The following FAM13A variants were observed in gnomAD, a reference collection of about 807,000 sequenced individuals.
FAM13A encodes protein FAM13A.
A neutral mutation model predicts 129.6 loss-of-function variants in FAM13A; 76 were observed. That is an observed-to-expected ratio of 0.59 (90% CI 0.49 to 0.71). FAM13A has a LOEUF of 0.71. FAM13A is among the 30% of genes least tolerant of loss of function. The pLI is 0.00. For missense variants in FAM13A, 1,108 were observed against 1,249.3 expected (o/e 0.89, Z 1.70); for synonymous variants, 443 against 449.9 (o/e 0.98, Z 0.20).
chr4:88,824,950 C>T (rs369899752), intron 7 of FAM13A, among the ~76,000 whole-genome samples: 15 of 151,966 alleles, frequency 9.9e-5, no homozygotes, highest in East Asian at 3.9e-4. Context: ...TCAGGTGATC[C>T]GCCCACCTCG....
At position 88,746,919 on chromosome 4, in the gene FAM13A, C is replaced by T; in HGVS notation, c.2466+13G>A. On this transcript the variant is annotated intron_variant, in intron 19 of 23. Coordinates refer to ENST00000264344, the MANE Select transcript of FAM13A (RefSeq NM_014883.4). The stretch of plus-strand genomic sequence containing the variant: ...TAATTGACCCCAATCAGAAAATTTA[C>T]TACATCACATACCGGCCGTCCATGA... The T allele has an allele frequency of 6.3e-7, 1 of 1,584,944 alleles. No homozygotes were observed. Among genetic ancestry groups the T allele is most frequent in the Non-Finnish European group, 8.7e-7 (1 of 1,153,832 alleles).
intron 3 of FAM13A, among the ~76,000 whole-genome samples, chr4:88,992,559 T>C (rs1275972875): frequency 6.6e-6 from 1 of 152,148 alleles, no homozygotes; most frequent in Non-Finnish European, 1.5e-5. Context: ...TTTAACAATA[T>C]CTAACATGTC....
At chr4:88,775,070 A>G (rs1434603386) in intron 11 of FAM13A, among the ~76,000 whole-genome samples, 1 of 152,224 alleles carries the variant, frequency 6.6e-6, no homozygotes, top group African/African-American at 2.4e-5. Flanking sequence ...AAGAGATATG[A>G]GACAAAAATC....
rs142741542 is a variant in FAM13A at position 88,906,510 on chromosome 4, C to G, written c.760-48G>C. The G allele has an allele frequency of 2.3e-6, 3 of 1,299,050 alleles. No homozygotes were observed. In the African/African-American group the frequency reaches 4.5e-5, roughly 20 times the overall value. 80.5% of individuals were successfully genotyped at this position (1,299,050 alleles called of 1,614,324 possible). On this transcript the variant is annotated intron_variant, in intron 5 of 23. Coordinates refer to ENST00000264344, the MANE Select transcript of FAM13A (RefSeq NM_014883.4). ...ACATTAGAGATTAAAGAACACTTAC[C>G]CTAACCAAAAATTACAAGGTAGTGA...
intron 19 of FAM13A, among the ~76,000 whole-genome samples, chr4:88,740,648 C>T (rs118111687): frequency 0.01 from 1,526 of 152,250 alleles, 73 homozygotes; most frequent in Admixed American, 0.077. Context: ...ATTTCTTTTA[C>T]GGGTTTTTTG....
rs149854074 is a variant in FAM13A at position 88,991,033 on chromosome 4, T to C, written c.545A>G (p.His182Arg). ...CQFLTKVAKH[H>R]VQNRMNVHNL... ...GTGAACATTCATGCGATTCTGCACA[T>C]GATGCTTGGCTACTTTTGTCAAGAA... is the stretch of plus-strand genomic sequence containing the variant. Residue 182 changes from histidine (H) to arginine (R), a missense_variant, in exon 4 of 24, where the codon CAT becomes CGT. Physicochemically the swap from His to Arg is conservative, Grantham distance 29. Around this residue, in one of 3 missense-constraint regions of FAM13A, gnomAD observed 566 missense variants for 595.7 expected, o/e 0.95. Coordinates refer to ENST00000264344, the MANE Select transcript of FAM13A (RefSeq NM_014883.4). The C allele has an allele frequency of 1.6e-4, 264 of 1,614,084 alleles. No homozygotes were observed. The highest frequency in any genetic ancestry group is 2.2e-4 in the Non-Finnish European group (254 of 1,180,026).
intron 4 of FAM13A, among the ~76,000 whole-genome samples, chr4:88,977,094 CTA>C (rs921811513): frequency 1.3e-5 from 2 of 152,076 alleles, no homozygotes; most frequent in African/African-American, 4.8e-5. Flanking sequence ...AAATATGTAT[CTA>C]TAATAAAGTT....
intron 6 of FAM13A, among the ~76,000 whole-genome samples, chr4:88,893,687 G>A (rs1745794133): frequency 6.6e-6 from 1 of 151,584 alleles, no homozygotes; most frequent in Admixed American, 6.6e-5. Context: ...GCGTGGTGGC[G>A]GGCGCCTGTA....
rs781677520 is a variant in FAM13A at position 88,728,725 on chromosome 4, G to A, written c.2946-66C>T. 1.7e-5 allele frequency: 27 copies of A among 1,559,248 alleles called. 1 individual carries two copies. The highest frequency in any genetic ancestry group is 5.6e-5 in the South Asian group (5 of 88,562). The stretch of plus-strand genomic sequence containing the variant: ...CTGTCTTTGCTAGATACTATTCATC[G>A]GGCAAATTATCATTGTTTAGAAACT... On this transcript the variant is annotated intron_variant, in intron 23 of 23. Coordinates refer to ENST00000264344, the MANE Select transcript of FAM13A (RefSeq NM_014883.4).
At chr4:89,047,170 G>C (rs1215946221) in intron 1 of FAM13A, among the ~76,000 whole-genome samples, 2 of 152,168 alleles carry the variant, frequency 1.3e-5, no homozygotes, top group Non-Finnish European at 2.9e-5. Flanking sequence ...GGGGTGGAGA[G>C]AAGGCTATAA....
intron 13 of FAM13A, 31 bp downstream of exon 13, chr4:88,767,520 TCA>T: frequency 1.9e-6 from 3 of 1,553,066 alleles, no homozygotes; most frequent in Non-Finnish European, 2.6e-6. Flanking sequence ...AACAGCCCCG[TCA>T]CAGTCTTACT....
chr4:88,788,028 C>T (rs1724331256), intron 9 of FAM13A, 96 bp from the exon 10 acceptor site: 3 of 920,960 alleles, frequency 3.3e-6, no homozygotes, highest in Non-Finnish European at 4.9e-6. Context: ...ATCTGTATTT[C>T]CAGTGGAAAG....
intron 1 of FAM13A, among the ~76,000 whole-genome samples, chr4:89,037,251 C>A (rs1350786698): frequency 6.6e-6 from 1 of 152,232 alleles, no homozygotes; most frequent in Non-Finnish European, 1.5e-5. Context: ...ATGCCCAAGT[C>A]CTTGGGAGCC....
intron 1 of FAM13A, among the ~76,000 whole-genome samples, chr4:89,034,927 C>CAT (rs1271387450): frequency 6.6e-6 from 1 of 152,058 alleles, no homozygotes; most frequent in Non-Finnish European, 1.5e-5. Context: ...TATATGTGCT[C>CAT]ATATGTTTAT....
chr4:88,743,039 A>C (rs891711923), intron 19 of FAM13A, among the ~76,000 whole-genome samples: 1 of 152,224 alleles, frequency 6.6e-6, no homozygotes, highest in Non-Finnish European at 1.5e-5. Context: ...GGTTATCATT[A>C]AGATGTATTT....
chr4:89,002,651 G>C (rs1281139116), intron 3 of FAM13A, among the ~76,000 whole-genome samples: 1 of 152,072 alleles, frequency 6.6e-6, no homozygotes, highest in African/African-American at 2.4e-5. Flanking sequence ...TATGCCAAGA[G>C]ACAAGCCCCT....
At chr4:88,910,010 T>A (rs1239939940) in intron 5 of FAM13A, among the ~76,000 whole-genome samples, 1 of 152,204 alleles carries the variant, frequency 6.6e-6, no homozygotes, top group Non-Finnish European at 1.5e-5. Context: ...TTAGAAGAAC[T>A]TTTTAGAAAA....
chr4:89,049,760 A>C (rs1028204275), intron 1 of FAM13A, among the ~76,000 whole-genome samples: 1 of 152,086 alleles, frequency 6.6e-6, no homozygotes, highest in Non-Finnish European at 1.5e-5. Context: ...GGTTCAAGTG[A>C]TTCTCCTTGC....
intron 4 of FAM13A, among the ~76,000 whole-genome samples, chr4:88,940,620 A>G (rs1214485635): frequency 6.6e-6 from 1 of 152,190 alleles, no homozygotes; most frequent in Non-Finnish European, 1.5e-5. Flanking sequence ...AGCTCTATAG[A>G]AAAAGTTGAG....
Sources: allele counts gnomAD v4.1 joint callset (sites outside exome capture counted in the v4.1 genomes callset), GRCh38; gene constraint gnomAD v4.1.1; regional missense constraint gnomAD v4.1.1; transcripts MANE v1.5; gene names NCBI Gene and HGNC (gene_info 2026-07-23, HGNC 2026-07-21).